The following RANBP10 variants were observed in gnomAD, a reference collection of about 807,000 sequenced individuals.
RANBP10 encodes RAN binding protein 10.
In RANBP10, 24 loss-of-function variants were observed where a neutral mutation model predicts 72.8. The observed-to-expected ratio is 0.33, with a 90% CI of 0.24 to 0.46. RANBP10 has a LOEUF of 0.46. Among genes scored for constraint, RANBP10 ranks in the 20% least tolerant of loss-of-function variants. RANBP10 has a pLI of 1.00. For missense variants in RANBP10, 679 were observed against 817.5 expected, an observed-to-expected ratio of 0.83 and a Z score of 2.07; for synonymous variants, 310 against 322.3, an observed-to-expected ratio of 0.96 and a Z score of 0.41.
intron 3 of RANBP10, among the ~76,000 whole-genome samples, chr16:67,745,708 T>C (rs1192174902): frequency 2.0e-5 from 3 of 151,882 alleles, no homozygotes; most frequent in Non-Finnish European, 2.9e-5. Context: ...ACCACCACGA[T>C]CAACACACAG....
At chr16:67,744,603 C>CAA (rs1449708799) in intron 3 of RANBP10, 148 bp from the exon 4 acceptor site, 2 of 830,392 alleles carry the variant, frequency 2.4e-6, no homozygotes, top group Admixed American at 5.6e-5. Flanking sequence ...CACCAATAGA[C>CAA]AGAGTCTGGC....
chr16:67,792,427 T>C (rs1471452255), intron 2 of RANBP10, among the ~76,000 whole-genome samples: 1 of 151,836 alleles, frequency 6.6e-6, no homozygotes, highest in Non-Finnish European at 1.5e-5. Flanking sequence ...CCAGGCGTAG[T>C]GGCGGACGCC....
intron 2 of RANBP10, among the ~76,000 whole-genome samples, chr16:67,773,407 T>G (rs2054642337): frequency 6.6e-6 from 1 of 152,210 alleles, no homozygotes; most frequent in South Asian, 2.1e-4. Context: ...TAAACCTTCT[T>G]TTCTTTACCC....
chr16:67,802,730 C>G (rs1354136424), intron 2 of RANBP10, among the ~76,000 whole-genome samples: 1 of 152,168 alleles, frequency 6.6e-6, no homozygotes. Flanking sequence ...AGATGCCCAC[C>G]TTTCTTTAGA....
intron 3 of RANBP10, among the ~76,000 whole-genome samples, chr16:67,763,089 A>C (rs1233314420): frequency 6.6e-6 from 1 of 152,188 alleles, no homozygotes; most frequent in East Asian, 1.9e-4. Context: ...GGTGTGTGGC[A>C]TGTGCAGAGG....
At chr16:67,773,309 A>G (rs2054640853) in intron 2 of RANBP10, among the ~76,000 whole-genome samples, 1 of 152,194 alleles carries the variant, frequency 6.6e-6, no homozygotes, top group African/African-American at 2.4e-5. Context: ...AACATCCACT[A>G]TGACTGTAAG....
chr16:67,749,345 G>A (rs1033836128), intron 3 of RANBP10, among the ~76,000 whole-genome samples: 2 of 152,190 alleles, frequency 1.3e-5, no homozygotes, highest in African/African-American at 4.8e-5. Flanking sequence ...CACCCACAGC[G>A]GGAAACAGGC....
chr16:67,771,191 G>C (rs1032587778), intron 3 of RANBP10, among the ~76,000 whole-genome samples: 4 of 151,348 alleles, frequency 2.6e-5, no homozygotes, highest in African/African-American at 7.3e-5. Flanking sequence ...GGAGGTCGAG[G>C]CTGCAGTAAA....
intron 3 of RANBP10, among the ~76,000 whole-genome samples, chr16:67,752,502 G>T (rs1341829972): frequency 1.3e-5 from 2 of 152,156 alleles, no homozygotes; most frequent in Non-Finnish European, 2.9e-5. Flanking sequence ...AGCCAACATT[G>T]TTACAGTAGC....
chr16:67,731,364 G>A, intron 7 of RANBP10, 108 bp downstream of exon 7: 1 of 884,950 alleles, frequency 1.1e-6, no homozygotes, highest in Non-Finnish European at 1.8e-6. Flanking sequence ...TGGTCATGAG[G>A]ACCAGAGCTG....
chr16:67,744,536 C>A, intron 3 of RANBP10, 81 bp from the exon 4 acceptor site: 1 of 1,418,246 alleles, frequency 7.1e-7, no homozygotes, highest in South Asian at 1.4e-5. Context: ...ACCCAGGTCT[C>A]TCAGCCTCTC....
chr16:67,804,919 A>C (rs1410269677), intron 2 of RANBP10, among the ~76,000 whole-genome samples: 1 of 152,168 alleles, frequency 6.6e-6, no homozygotes, highest in Non-Finnish European at 1.5e-5. Context: ...TATGAGCAGC[A>C]AGGTCACCTG....
chr16:67,761,374 A>G (rs1282191791), intron 3 of RANBP10, among the ~76,000 whole-genome samples: 1 of 152,142 alleles, frequency 6.6e-6, no homozygotes, highest in Non-Finnish European at 1.5e-5. Flanking sequence ...GTCCTTGCTG[A>G]GCCAGTGCAA....
At chr16:67,727,534 C>T in intron 12 of RANBP10, 96 bp from the exon 13 acceptor site, 4 of 1,357,096 alleles carry the variant, frequency 2.9e-6, no homozygotes, top group Non-Finnish European at 4.1e-6. Context: ...TGCATGATGC[C>T]CAGCCTGGAA....
chr16:67,776,744 C>A (rs188079074), intron 2 of RANBP10, among the ~76,000 whole-genome samples: 23 of 149,768 alleles, frequency 1.5e-4, no homozygotes, highest in African/African-American at 5.4e-4. Flanking sequence ...TGCACTCCAG[C>A]CTGGGTGACA....
chr16:67,750,424 C>A (rs1316956754), intron 3 of RANBP10, among the ~76,000 whole-genome samples: 3 of 152,200 alleles, frequency 2.0e-5, no homozygotes, highest in Non-Finnish European at 2.9e-5. Flanking sequence ...CTGCCCATAT[C>A]CCTGGTCCAC....
chr16:67,767,267 A>G (rs1442514787), intron 3 of RANBP10, among the ~76,000 whole-genome samples: 1 of 151,984 alleles, frequency 6.6e-6, no homozygotes, highest in Non-Finnish European at 1.5e-5. Context: ...ACTCCACTCC[A>G]TGGATCTCAA....
chr16:67,794,943 AAAC>A (rs1411283606), intron 2 of RANBP10, among the ~76,000 whole-genome samples: 10 of 148,972 alleles, frequency 6.7e-5, no homozygotes, highest in South Asian at 4.2e-4. Flanking sequence ...AAAAAAAAAA[AAAC>A]AAAAAAAAAA....
chr16:67,748,283 G>C (rs1369532510), intron 3 of RANBP10, among the ~76,000 whole-genome samples: 7 of 151,856 alleles, frequency 4.6e-5, no homozygotes, highest in African/African-American at 1.7e-4. Context: ...ACTTTGGGAG[G>C]CCGAGGCAGG....
Sources: gnomAD v4.1 joint callset for allele counts (sites outside exome capture counted in the v4.1 genomes callset) on GRCh38, gnomAD v4.1.1 for gene constraint, MANE v1.5 for transcripts, NCBI Gene and HGNC (gene_info 2026-07-23, HGNC 2026-07-21) for gene names.